HDLBP: variants seen among roughly 807,000 people sequenced by gnomAD.
HDLBP encodes the protein vigilin.
In HDLBP, 30 loss-of-function variants were observed where a neutral mutation model predicts 137.3. The observed-to-expected ratio is 0.22, with a 90% CI of 0.16 to 0.30. HDLBP has a LOEUF of 0.30. Ranked by LOEUF, HDLBP falls within the 10% of genes least tolerant of loss-of-function variation. The probability of loss-of-function intolerance (pLI) is 1.00; values close to 1 mark genes in which losing one functional copy is unlikely to be tolerated. For missense variants in HDLBP, 1,119 were observed against 1,667.3 expected (o/e 0.67, Z 5.73); for synonymous variants, 606 against 596.0 (o/e 1.02, Z -0.24).
chr2:241,247,870 G>C, intron 14 of HDLBP, 133 bp downstream of exon 14: 3 of 638,504 alleles, frequency 4.7e-6, no homozygotes, highest in Non-Finnish European at 8.4e-6. Context: ...AAGTCCCTGA[G>C]ATGGAAGGCC....
intron 1 of HDLBP, chr2:241,279,978 G>A (rs2074535771): frequency 1.0e-6 from 1 of 985,288 alleles, no homozygotes. Flanking sequence ...CCATGCTGAA[G>A]GGGTTAGGAG....
intron 1 of HDLBP, among the ~76,000 whole-genome samples, chr2:241,299,391 T>A (rs1393844577): frequency 6.7e-6 from 1 of 149,886 alleles, no homozygotes; most frequent in Non-Finnish European, 1.5e-5. Flanking sequence ...GTGGCGTGCA[T>A]CTGTAGTACC....
chr2:241,304,742 C>A (rs962224787), intron 1 of HDLBP, among the ~76,000 whole-genome samples: 8 of 152,214 alleles, frequency 5.3e-5, no homozygotes, highest in African/African-American at 1.9e-4. Flanking sequence ...CACTCCTGAA[C>A]TAGAAAGTGC....
chr2:241,266,446 G>C (rs1475665865), intron 3 of HDLBP: 1 of 278,528 alleles, frequency 3.6e-6, no homozygotes, highest in African/African-American at 2.2e-5. Flanking sequence ...CTCAAGGCAG[G>C]CTTAAGCAAT....
rs746691746 is a variant in HDLBP at position 241,242,440 on chromosome 2, C to T, written c.2169+20G>A. On this transcript the variant is annotated intron_variant, in intron 17 of 27. Transcript: ENST00000310931. ...GGACCAGGCTTCCTGCCAAGAGTCA[C>T]GCTCCCTCCCCATGCTCACCTTCTC... The T allele has an allele frequency of 4.0e-5, 64 of 1,603,802 alleles. No individual in the cohort carries two copies. Among genetic ancestry groups the T allele is most frequent in the Admixed American group, 6.7e-5 (4 of 59,864 alleles).
chr2:241,309,818 C>T (rs1013072065), intron 1 of HDLBP, among the ~76,000 whole-genome samples: 21 of 152,244 alleles, frequency 1.4e-4, no homozygotes, highest in African/African-American at 4.8e-4. Context: ...TACTGCTGTG[C>T]TCCCAGGCCT....
rs996843193 is a variant in HDLBP at position 241,248,359 on chromosome 2, A to C, written c.1513-11T>G. The C allele has an allele frequency of 6.3e-7, 1 of 1,594,480 alleles. No individual in the cohort carries two copies. Among genetic ancestry groups the C allele is most frequent in the Non-Finnish European group, 8.6e-7 (1 of 1,162,240 alleles). Reference sequence around the variant, plus strand: ...GGTACGCTCATTTTCCTAAAAATACAATTAAAGTAGATGTCATTTATCACA... The same window carrying C: ...GGTACGCTCATTTTCCTAAAAATACCATTAAAGTAGATGTCATTTATCACA... On this transcript the variant is annotated splice_polypyrimidine_tract_variant and intron_variant, in intron 12 of 27. Coordinates refer to ENST00000310931, the MANE Select transcript of HDLBP (RefSeq NM_005336.6).
At chr2:241,236,006 C>G (rs57700042) in intron 21 of HDLBP, 7,542 of 196,172 alleles carry the variant, frequency 0.038, 614 homozygotes, top group African/African-American at 0.16. Context: ...CTAATGCCCA[C>G]GAGGTGCCAC....
At chr2:241,257,807 T>C (rs143561533) in intron 5 of HDLBP, among the ~76,000 whole-genome samples, 3 of 152,176 alleles carry the variant, frequency 2.0e-5, no homozygotes, top group Non-Finnish European at 4.4e-5. Context: ...GTGTTAACAG[T>C]GGTCCTAGAC....
At chr2:241,229,751 G>A (rs777924331) in intron 27 of HDLBP, 64 bp from the exon 28 acceptor site, 9 of 1,607,066 alleles carry the variant, frequency 5.6e-6, no homozygotes, top group Non-Finnish European at 7.7e-6. Context: ...AGCTTCCGAC[G>A]CAGTTGCCAC....
Position 241,236,756 on chromosome 2 carries a change from C to T in HDLBP, c.2763G>A (p.Glu921=), listed in dbSNP as rs777452265. The change falls in exon 21 of 28, where the codon GAG becomes GAA. Residue 921 remains glutamate, a synonymous_variant. Transcript: ENST00000310931. ...DREENAVHST[E]PVVQENGDEA... The stretch of plus-strand genomic sequence containing the variant: ...CGTCCCCATTCTCCTGGACAACTGG[C>T]TCTGTACTGTGAACTAGAGAGAAAG... The T allele has an allele frequency of 1.2e-6, 2 of 1,614,160 alleles. No homozygotes were observed. Among genetic ancestry groups the T allele is most frequent in the Admixed American group, 3.3e-5 (2 of 60,024 alleles).
At chr2:241,280,034 G>A (rs1420589706) in intron 1 of HDLBP, 1 of 985,278 alleles carries the variant, frequency 1.0e-6, no homozygotes, top group East Asian at 1.1e-4. Flanking sequence ...GAGCAGAGAT[G>A]TGGAGGACAG....
intron 1 of HDLBP, among the ~76,000 whole-genome samples, chr2:241,281,889 G>C (rs1480537874): frequency 6.6e-6 from 1 of 152,126 alleles, no homozygotes; most frequent in Admixed American, 6.5e-5. Context: ...GCTCATATTG[G>C]ACAGCAGTGC....
intron 16 of HDLBP, among the ~76,000 whole-genome samples, chr2:241,245,010 C>T (rs1208348946): frequency 6.6e-6 from 1 of 151,798 alleles, no homozygotes; most frequent in Non-Finnish European, 1.5e-5. Context: ...TTGAATTAAC[C>T]ATTAAAAAAC....
chr2:241,236,570 G>C (rs1299551159), intron 21 of HDLBP, 45 bp downstream of exon 21: 8 of 1,602,070 alleles, frequency 5.0e-6, no homozygotes, highest in Non-Finnish European at 6.8e-6. Context: ...GGTGCCTGCT[G>C]ACTGGGCCTT....
chr2:241,234,057 TG>T, intron 23 of HDLBP, 94 bp from the exon 24 acceptor site: 1 of 1,389,914 alleles, frequency 7.2e-7, no homozygotes, highest in Non-Finnish European at 1.0e-6. Flanking sequence ...ACACTGGAGA[TG>T]CTGCAGTGTT....
intron 1 of HDLBP, among the ~76,000 whole-genome samples, chr2:241,286,801 C>T (rs534041307): frequency 6.6e-6 from 1 of 152,196 alleles, no homozygotes; most frequent in Admixed American, 6.5e-5. Flanking sequence ...TAAAAATTAG[C>T]CAGGCATGGT....
In HDLBP at chr2:241,295,859, G is replaced by A. The variant is rs556532991; in HGVS notation, c.-103+19711C>T. On this transcript the variant is annotated intron_variant, in intron 1 of 27. Transcript: ENST00000310931. ...GACTGTGGGGCAGGAGCTGGAAGAC[G>A]AAGAAGCAAAGAACAATCTCTCTCC... Among the ~76,000 whole-genome samples, 24 of 152,254 alleles carry A rather than the reference G, an allele frequency of 1.6e-4. No individual in the cohort carries two copies. In the South Asian group the frequency reaches 3.7e-3, roughly 24 times the overall value.
At chr2:241,291,668 A>T (rs1417950039) in intron 1 of HDLBP, among the ~76,000 whole-genome samples, 1 of 152,376 alleles carries the variant, frequency 6.6e-6, no homozygotes, top group East Asian at 1.9e-4. Context: ...TCTTCACTTT[A>T]TAATTGTCAG....
Sources: gnomAD v4.1 joint callset for allele counts (sites outside exome capture counted in the v4.1 genomes callset) on GRCh38, gnomAD v4.1.1 for gene constraint, MANE v1.5 for transcripts, NCBI Gene and HGNC (gene_info 2026-07-23, HGNC 2026-07-21) for gene names.